The following MEST variants were observed in gnomAD, a reference collection of about 807,000 sequenced individuals.
MEST encodes mesoderm-specific transcript homolog protein.
MEST carries 18 observed loss-of-function variants against 50.9 expected under a neutral mutation model. That is an observed-to-expected ratio of 0.35 (90% CI 0.24 to 0.52). The LOEUF (loss-of-function observed/expected upper bound fraction) is 0.52. Among genes scored for constraint, MEST ranks in the 20% least tolerant of loss-of-function variants. The probability of loss-of-function intolerance (pLI) is 0.94; values close to 1 mark genes in which losing one functional copy is unlikely to be tolerated. For missense variants in MEST, 282 were observed against 425.3 expected (o/e 0.66, Z 2.96); for synonymous variants, 130 against 154.1 (o/e 0.84, Z 1.16).
chr7:130,494,216 A>G (rs1381685712), intron 1 of MEST, among the ~76,000 whole-genome samples: 1 of 152,362 alleles, frequency 6.6e-6, no homozygotes, highest in African/African-American at 2.4e-5. Flanking sequence ...GGTAGATTAC[A>G]GGCAATAGGG....
intron 9 of MEST, among the ~76,000 whole-genome samples, chr7:130,502,205 C>G (rs1799301865): frequency 3.3e-5 from 5 of 152,196 alleles, no homozygotes; most frequent in South Asian, 2.1e-4. Context: ...GCACTCCAGC[C>G]TAGGTAACAT....
At position 130,506,267 on chromosome 7, in the gene MEST, A is replaced by G. The variant is rs1261038880; in HGVS notation, c.*1211A>G. On this transcript the variant is annotated 3_prime_UTR_variant, in exon 12 of 12. Coordinates refer to ENST00000223215, the MANE Select transcript of MEST (RefSeq NM_002402.4). ...AAACTGGAATAAGTGTTTATTTTCT[A>G]TTAATAAAAATGAATTGTGACAAAA... 1 of 152,132 alleles carries G rather than the reference A, an allele frequency of 6.6e-6. No homozygotes were observed. The highest frequency in any genetic ancestry group is 2.4e-5 in the African/African-American group (1 of 41,396). 9.4% of individuals were successfully genotyped at this position (152,132 alleles called of 1,614,324 possible).
Position 130,492,505 on chromosome 7 carries a change from G to A in MEST, c.26+166G>A. On this transcript the variant is annotated intron_variant, in intron 1 of 11. Coordinates refer to ENST00000223215, the MANE Select transcript of MEST (RefSeq NM_002402.4). This position sits in a 1 kb window ranked among gnomAD's most constrained non-coding sequence, Gnocchi z 7.6. ...CCCGCTCTGCCTACTTGAGGAGGGG[G>A]TGTCACTCCTGCCCGCAATGGAATG... 2 of 464,430 alleles carry A rather than the reference G, an allele frequency of 4.3e-6. No homozygotes were observed. The highest frequency in any genetic ancestry group is 6.9e-6 in the Non-Finnish European group (2 of 287,910). 28.8% of individuals were successfully genotyped at this position (464,430 alleles called of 1,614,324 possible). A position where few individuals can be genotyped will look rare whatever the true frequency, so the allele number is the denominator to read the frequency against.
intron 6 of MEST, 22 bp from the exon 7 acceptor site, chr7:130,499,853 C>CT (rs1186780687): frequency 1.3e-6 from 2 of 1,588,490 alleles, no homozygotes; most frequent in Non-Finnish European, 1.7e-6. Context: ...AGGTAAATGA[C>CT]TAAGATAAGT....
chr7:130,498,710 A>T, intron 6 of MEST: 1 of 590,734 alleles, frequency 1.7e-6, no homozygotes. Flanking sequence ...TAGTGACTTT[A>T]CTTACATAGT....
At position 130,500,300 on chromosome 7, in the gene MEST, C is replaced by T. The variant is rs1036793954; in HGVS notation, c.577-162C>T. On this transcript the variant is annotated intron_variant, in intron 7 of 11. Transcript: ENST00000223215. This position sits in a 1 kb window ranked among gnomAD's most constrained non-coding sequence, Gnocchi z 5.0. ...ATGGAATTAGAAATAGATTTGTCTT[C>T]CTTGAGAGAAGAATGCGGGTAGGCA... Among the ~76,000 whole-genome samples, 1 of 152,180 alleles carries T rather than the reference C, an allele frequency of 6.6e-6. No homozygotes were observed. The highest frequency in any genetic ancestry group is 1.5e-5 in the Non-Finnish European group (1 of 68,022).
At chr7:130,489,050 CTTG>C (rs1295705010), upstream of MEST, 3 of 152,286 alleles carry the variant, frequency 2.0e-5, no homozygotes, top group Non-Finnish European at 2.9e-5. Context: ...CCGGTTGTGT[CTTG>C]TTGTCTCCAT....
chr7:130,495,964 C>G, intron 2 of MEST: 1 of 372,648 alleles, frequency 2.7e-6, no homozygotes, highest in South Asian at 2.0e-5. Context: ...ATTATTATGA[C>G]CACTACTTAT....
intron 6 of MEST, chr7:130,498,919 TATG>T: frequency 5.9e-6 from 1 of 170,918 alleles, no homozygotes; most frequent in East Asian, 1.7e-4. Flanking sequence ...CTAATACTAC[TATG>T]ATGTTAGTGT....
At position 130,492,572 on chromosome 7, in the gene MEST, C is replaced by G. The variant is rs1412531362; in HGVS notation, c.26+233C>G. On this transcript the variant is annotated intron_variant, in intron 1 of 11. Coordinates refer to ENST00000223215, the MANE Select transcript of MEST (RefSeq NM_002402.4). The surrounding 1 kb of genome is among the most constrained non-coding windows in gnomAD (Gnocchi z 7.6). ...TCCTTGGGTTAGGATTTCTAGACCC[C>G]GGGATCGTCGTGGTGAGATTTAGGA... 5.3e-6 allele frequency: 2 copies of G among 379,326 alleles called. No individual in the cohort carries two copies. Among genetic ancestry groups the G allele is most frequent in the Admixed American group, 4.5e-5 (1 of 22,056 alleles). 23.5% of individuals were successfully genotyped at this position (379,326 alleles called of 1,614,324 possible).
At chr7:130,495,575 CTGA>C (rs1280356722) in intron 2 of MEST, 53 bp downstream of exon 2, 10 of 1,563,178 alleles carry the variant, frequency 6.4e-6, no homozygotes, top group Non-Finnish European at 8.7e-6. Flanking sequence ...TAAGTCCCAG[CTGA>C]GGTATTTATT....
chr7:130,487,435 A>T (rs1554434026), upstream of MEST: 1 of 152,126 alleles, frequency 6.6e-6, no homozygotes, highest in African/African-American at 2.4e-5. Context: ...GTGTGTGAAG[A>T]TAGTTTAGGG....
rs1478172192 is a variant in MEST, at chr7:130,505,371, G to T, written c.*315G>T. Reference sequence around the variant, plus strand: ...CAGAAAGACGTTCTTTTGCATAAAAGACTTTTTTTTAACACTTTGGACTTC... The same window carrying T: ...CAGAAAGACGTTCTTTTGCATAAAATACTTTTTTTTAACACTTTGGACTTC... On this transcript the variant is annotated 3_prime_UTR_variant, in exon 12 of 12. Coordinates refer to ENST00000223215, the MANE Select transcript of MEST (RefSeq NM_002402.4). The T allele has an allele frequency of 1.3e-5, 2 of 156,748 alleles. No individual in the cohort carries two copies. Among genetic ancestry groups the T allele is most frequent in the East Asian group, 1.5e-4 (1 of 6,576 alleles). The allele number at this position is 156,748 out of a possible 1,614,324, so 9.7% of individuals were successfully genotyped here.
chr7:130,492,504 GGTGT>G lies in MEST; in HGVS notation c.26+166_26+169del. ...GCCCGCTCTGCCTACTTGAGGAGGG[GGTGT>G]CACTCCTGCCCGCAATGGAATGTTC... On this transcript the variant is annotated intron_variant, in intron 1 of 11. Transcript: ENST00000223215. This position sits in a 1 kb window ranked among gnomAD's most constrained non-coding sequence, Gnocchi z 7.6. 2.1e-6 allele frequency: 1 copy of G among 476,752 alleles called. No individual in the cohort carries two copies. Among genetic ancestry groups the G allele is most frequent in the East Asian group, 3.6e-5 (1 of 27,544 alleles). 29.5% of individuals were successfully genotyped at this position (476,752 alleles called of 1,614,324 possible).
intron 10 of MEST, among the ~76,000 whole-genome samples, chr7:130,503,104 C>T (rs1426486205): frequency 2.6e-5 from 4 of 152,094 alleles, no homozygotes; most frequent in Non-Finnish European, 5.9e-5. Flanking sequence ...TCAGTGACTG[C>T]CACATTACAT....
chr7:130,490,686 T>C (rs949650310), upstream of MEST, among the ~76,000 whole-genome samples: 1 of 152,246 alleles, frequency 6.6e-6, no homozygotes, highest in Non-Finnish European at 1.5e-5. Flanking sequence ...AGTTCTTGTC[T>C]GTCTTCCCCT....
At chr7:130,493,887 T>A (rs1460769661) in intron 1 of MEST, among the ~76,000 whole-genome samples, 1 of 152,208 alleles carries the variant, frequency 6.6e-6, no homozygotes, top group African/African-American at 2.4e-5. Context: ...AAGGAGATAC[T>A]GGGATACAGC....
At chr7:130,490,027 A>G (rs1417582303), upstream of MEST, 1 of 152,254 alleles carries the variant, frequency 6.6e-6, no homozygotes, top group African/African-American at 2.4e-5. Context: ...TTAACAATAA[A>G]TATGAAAAAT....
At chr7:130,487,308 GC>G (rs1288723815), upstream of MEST, 1 of 152,294 alleles carries the variant, frequency 6.6e-6, no homozygotes, top group East Asian at 1.9e-4. Flanking sequence ...GAATCCTTCA[GC>G]CTATTTATCT....
Sources: allele counts gnomAD v4.1 joint callset (sites outside exome capture counted in the v4.1 genomes callset), GRCh38; gene constraint gnomAD v4.1.1; non-coding constraint Gnocchi (gnomAD v3.1); transcripts MANE v1.5; gene names NCBI Gene and HGNC (gene_info 2026-07-23, HGNC 2026-07-21).